Variants in FBXO10 observed in about 807,000 individuals in gnomAD.
FBXO10 encodes the protein F-box only protein 10.
Under a neutral mutation model 80.7 loss-of-function variants are expected in FBXO10, and 39 were observed. The observed-to-expected ratio is 0.48, with a 90% CI of 0.37 to 0.63. The LOEUF (loss-of-function observed/expected upper bound fraction) is 0.63. FBXO10 is among the 30% of genes least tolerant of loss of function. The pLI, the probability that FBXO10 is intolerant of heterozygous loss-of-function variation, is 0.00. For synonymous variants in FBXO10, 449 were observed against 489.6 expected (o/e 0.92, Z 1.09); for missense variants, 1,025 against 1,269.0 (o/e 0.81, Z 2.92).
intron 1 of FBXO10, among the ~76,000 whole-genome samples, chr9:37,554,432 C>T (rs1006682017): frequency 1.3e-5 from 2 of 152,114 alleles, no homozygotes; most frequent in Admixed American, 6.5e-5. Context: ...AGGACTATTT[C>T]GTGCTATGGA....
intron 1 of FBXO10, among the ~76,000 whole-genome samples, chr9:37,545,415 G>C (rs1287583827): frequency 6.6e-6 from 1 of 152,088 alleles, no homozygotes; most frequent in Non-Finnish European, 1.5e-5. Context: ...CTAACCTTGT[G>C]ATCTGCCCAT....
intron 8 of FBXO10, 38 bp downstream of exon 8, chr9:37,521,531 G>A (rs1233564517): frequency 6.7e-7 from 1 of 1,497,032 alleles, no homozygotes; most frequent in East Asian, 2.4e-5. Flanking sequence ...GGGGAGCCAT[G>A]GAAGGTTCTT....
Position 37,541,500 on chromosome 9 carries a change from A to C in FBXO10, c.269T>G (p.Leu90Trp). The C allele has an allele frequency of 6.2e-7, 1 of 1,614,016 alleles. No homozygotes were observed. Among genetic ancestry groups the C allele is most frequent in the Non-Finnish European group, 8.5e-7 (1 of 1,179,866 alleles). ...AAAGCAGATGGAAGACTCCAAGTCCAAGGCATTCTTGGTCCATGTCTTGGA... is the reference window on the plus strand; with the variant it reads ...AAAGCAGATGGAAGACTCCAAGTCCCAGGCATTCTTGGTCCATGTCTTGGA... ...LASKTWTKNA[L>W]DLESSICFSL... is the part of the protein sequence containing the mutation. Residue 90 changes from leucine to tryptophan, a missense_variant, in exon 2 of 11, where the codon TTG becomes TGG. Coordinates refer to ENST00000432825, the MANE Select transcript of FBXO10 (RefSeq NM_012166.3).
chr9:37,562,394 G>T (rs1424019748), intron 1 of FBXO10, among the ~76,000 whole-genome samples: 1 of 152,204 alleles, frequency 6.6e-6, no homozygotes. Context: ...GGGGACACAG[G>T]AAGTGCTGAG....
In FBXO10 at chr9:37,541,283, A is replaced by C; in HGVS notation, c.486T>G (p.Gly162=). The C allele has an allele frequency of 6.2e-7, 1 of 1,613,882 alleles. No homozygotes were observed. Among genetic ancestry groups the C allele is most frequent in the Non-Finnish European group, 8.5e-7 (1 of 1,179,852 alleles). The change falls in exon 2 of 11, where the codon GGT becomes GGG. Residue 162 remains glycine, a synonymous_variant. Coordinates refer to ENST00000432825, the MANE Select transcript of FBXO10 (RefSeq NM_012166.3). The part of the protein sequence containing the change: ...PVEIVGQGKL[G]EVALLASIDQ... ...CAATGCTGGCCAGCAGGGCCACTTC[A>C]CCCAACTTCCCCTGCCCTACAATCT... is the stretch of plus-strand genomic sequence containing the variant.
chr9:37,549,465 G>C (rs17504570), intron 1 of FBXO10, among the ~76,000 whole-genome samples: 7,606 of 152,120 alleles, frequency 0.05, 223 homozygotes, highest in South Asian at 0.086. Context: ...CCATTCCAAC[G>C]CTTCCTCAAA....
chr9:37,573,730 G>C (rs1822819896), intron 1 of FBXO10, among the ~76,000 whole-genome samples: 1 of 152,178 alleles, frequency 6.6e-6, no homozygotes, highest in Non-Finnish European at 1.5e-5. Flanking sequence ...AAAGACAAGA[G>C]TGAATGTAAA....
chr9:37,533,885 A>AC (rs1028631312), intron 3 of FBXO10, among the ~76,000 whole-genome samples: 4 of 151,684 alleles, frequency 2.6e-5, no homozygotes, highest in African/African-American at 9.7e-5. Flanking sequence ...AAAAAAAAAA[A>AC]CAAAAAAAAC....
intron 1 of FBXO10, among the ~76,000 whole-genome samples, chr9:37,545,817 ATG>A (rs1238024710): frequency 2.6e-5 from 4 of 152,176 alleles, no homozygotes; most frequent in Non-Finnish European, 5.9e-5. Context: ...GCAAGTGAAT[ATG>A]TGTTTTCAGG....
At chr9:37,557,125 T>G in intron 1 of FBXO10, among the ~76,000 whole-genome samples, 1 of 152,160 alleles carries the variant, frequency 6.6e-6, no homozygotes, top group South Asian at 2.1e-4. Context: ...ACTATGAGAG[T>G]AGGATTCTGA....
chr9:37,533,348 C>T (rs936407012), intron 3 of FBXO10, among the ~76,000 whole-genome samples: 3 of 151,600 alleles, frequency 2.0e-5, no homozygotes, highest in Admixed American at 2.0e-4. Context: ...GAGTTTGAGA[C>T]CAGCCTGGCC....
chr9:37,535,655 G>T (rs1478406711), intron 3 of FBXO10, among the ~76,000 whole-genome samples: 1 of 152,152 alleles, frequency 6.6e-6, no homozygotes, highest in African/African-American at 2.4e-5. Context: ...ACAGCACCCG[G>T]CTGACACTTT....
rs1821040883 is a variant in FBXO10, at chr9:37,511,067, T to G, written c.*1480A>C. 6.5e-6 allele frequency: 1 copy of G among 152,690 alleles called. No individual in the cohort carries two copies. The highest frequency in any genetic ancestry group is 2.4e-5 in the African/African-American group (1 of 41,452). 9.5% of individuals were successfully genotyped at this position (152,690 alleles called of 1,614,324 possible). The stretch of plus-strand genomic sequence containing the variant: ...CAGGGATAGAAGAGGCCAGTACTCT[T>G]GTGCCCAGTGTTCTCAGGGAGAACC... On this transcript the variant is annotated 3_prime_UTR_variant, in exon 11 of 11. Coordinates refer to ENST00000432825, the MANE Select transcript of FBXO10 (RefSeq NM_012166.3).
At chr9:37,564,684 G>A (rs1014092218) in intron 1 of FBXO10, among the ~76,000 whole-genome samples, 6 of 152,214 alleles carry the variant, frequency 3.9e-5, no homozygotes, top group Non-Finnish European at 8.8e-5. Context: ...CATAGGGCCT[G>A]TAGCCCCTTT....
At position 37,537,585 on chromosome 9, in the gene FBXO10, C is replaced by T; in HGVS notation, c.944G>A (p.Gly315Asp). The change falls in exon 3 of 11, where the codon GGC becomes GAC. Residue 315 changes from glycine (G) to aspartate (D), a missense_variant. Physicochemically the swap from Gly to Asp is moderately conservative, Grantham distance 94. Coordinates refer to ENST00000432825, the MANE Select transcript of FBXO10 (RefSeq NM_012166.3). ...SPKTCDIVIE[G>D]SQSPTSPASS... The stretch of plus-strand genomic sequence containing the variant: ...GGCTGGGCTGGTAGGGCTCTGGCTG[C>T]CCTCGATAACAATGTCACAGGTCTT... 1 of 1,613,754 alleles carries T rather than the reference C, an allele frequency of 6.2e-7. No homozygotes were observed. Among genetic ancestry groups the T allele is most frequent in the Non-Finnish European group, 8.5e-7 (1 of 1,179,792 alleles).
chr9:37,576,078 G>GA (rs1822888340), intron 1 of FBXO10, 133 bp downstream of exon 1: 1 of 152,230 alleles, frequency 6.6e-6, no homozygotes, highest in African/African-American at 2.4e-5. Flanking sequence ...CCTGATGCCC[G>GA]AAGCCCGACC....
At chr9:37,541,061 G>T in intron 2 of FBXO10, 123 bp downstream of exon 2, 7 of 775,312 alleles carry the variant, frequency 9.0e-6, no homozygotes, top group Non-Finnish European at 1.4e-5. Flanking sequence ...ACTCAGAGGA[G>T]TATGAGTATA....
chr9:37,553,916 C>CAAA (rs71494669), intron 1 of FBXO10, among the ~76,000 whole-genome samples: 1,881 of 63,560 alleles, frequency 0.03, 100 homozygotes, highest in African/African-American at 0.11. Flanking sequence ...AAGTCTGCCT[C>CAAA]AAAAAAAAAA....
Position 37,538,030 on chromosome 9 carries a change from A to G in FBXO10, c.586-87T>C, listed in dbSNP as rs991629462. 4.1e-5 allele frequency: 42 copies of G among 1,034,160 alleles called. 1 individual carries two copies. The South Asian group carries it at 5.9e-4, about 15-fold the overall frequency. The allele number at this position is 1,034,160 out of a possible 1,614,324, so 64.1% of individuals were successfully genotyped here. Reference sequence around the variant, plus strand: ...GCCCTTTAAGGAGGGTAGAACATGGAAAGGCCATTTGTTCTGCTGATCATC... The same window carrying G: ...GCCCTTTAAGGAGGGTAGAACATGGGAAGGCCATTTGTTCTGCTGATCATC... On this transcript the variant is annotated intron_variant, in intron 2 of 10. Transcript: ENST00000432825.
Sources: allele counts gnomAD v4.1 joint callset (sites outside exome capture counted in the v4.1 genomes callset), GRCh38; gene constraint gnomAD v4.1.1; transcripts MANE v1.5; gene names NCBI Gene and HGNC (gene_info 2026-07-23, HGNC 2026-07-21).